The following DNAJB11 variants were observed in gnomAD, a reference collection of about 807,000 sequenced individuals.
DNAJB11 encodes dnaJ homolog subfamily B member 11.
Under a neutral mutation model 47.2 loss-of-function variants are expected in DNAJB11, and 30 were observed. The ratio of observed to expected loss-of-function variants is 0.64; its 90% confidence interval spans 0.48 to 0.86. DNAJB11 has a LOEUF of 0.86. DNAJB11 is among the 40% of genes least tolerant of loss of function. The probability of loss-of-function intolerance (pLI) is 0.00; values close to 1 mark genes in which losing one functional copy is unlikely to be tolerated. For missense variants in DNAJB11, 357 were observed against 440.2 expected, an observed-to-expected ratio of 0.81 and a Z score of 1.69; for synonymous variants, 151 against 159.9, an observed-to-expected ratio of 0.94 and a Z score of 0.42.
chr3:186,577,923 A>G, intron 4 of DNAJB11, 123 bp downstream of exon 4: 3 of 751,442 alleles, frequency 4.0e-6, no homozygotes, highest in Non-Finnish European at 6.1e-6. Flanking sequence ...TCAAATGCAC[A>G]AAATTGAATT....
intron 2 of DNAJB11, among the ~76,000 whole-genome samples, chr3:186,572,711 ATAAGT>A: frequency 6.6e-6 from 1 of 152,374 alleles, no homozygotes. Flanking sequence ...CAGGGCAGGT[ATAAGT>A]TAAAACATGG....
rs771570469 is a variant in DNAJB11, at chr3:186,581,418, G to T, written c.504G>T (p.Lys168Asn). 2.5e-6 allele frequency: 4 copies of T among 1,613,980 alleles called. No individual in the cohort carries two copies. In the South Asian group the frequency reaches 4.4e-5, roughly 18 times the overall value. The change falls in exon 5 of 10, where the codon AAG (lysine) becomes AAT (asparagine). Residue 168 changes from lysine to asparagine, a missense_variant. Lys to Asn is a moderately conservative substitution (Grantham distance 94). Coordinates refer to ENST00000265028, the MANE Select transcript of DNAJB11 (RefSeq NM_016306.6). ...CAAGGCAGGCTCCTGGCAAACGGAA[G>T]TGCAATTGTCGGCAAGAGATGCGGA... ...PVARQAPGKR[K>N]CNCRQEMRTT... is the part of the protein sequence containing the mutation.
intron 6 of DNAJB11, 59 bp from the exon 7 acceptor site, chr3:186,582,657 A>C (rs973158652): frequency 1.4e-6 from 2 of 1,406,896 alleles, no homozygotes; most frequent in Non-Finnish European, 2.0e-6. Context: ...CAGTTGCCAA[A>C]TAGATTTGTG....
chr3:186,573,441 G>A (rs186244883), intron 2 of DNAJB11, among the ~76,000 whole-genome samples: 4 of 152,204 alleles, frequency 2.6e-5, no homozygotes, highest in Non-Finnish European at 4.4e-5. Context: ...CTGGAGTAGA[G>A]TGGCACGATC....
rs1300446535 is a variant in DNAJB11 at position 186,585,688 on chromosome 3, T to G, written c.*280T>G. ...TCAAGAATTAAAGCTGCAAGAGGAC[T>G]CCAGGAGCAAAAGAAACACAATATA... On this transcript the variant is annotated 3_prime_UTR_variant, in exon 10 of 10. Transcript: ENST00000265028. 1.3e-5 allele frequency: 3 copies of G among 222,298 alleles called. No individual in the cohort carries two copies. The highest frequency in any genetic ancestry group is 2.7e-5 in the Non-Finnish European group (3 of 111,900). 13.8% of individuals were successfully genotyped at this position (222,298 alleles called of 1,614,324 possible).
intron 1 of DNAJB11, 57 bp downstream of exon 1, chr3:186,571,022 T>TGTTGGGGGGGGGGG: frequency 4.8e-6 from 1 of 208,314 alleles, no homozygotes; most frequent in Non-Finnish European, 9.4e-6. Context: ...TGCTGGGGGG[T>TGTTGGGGGGGGGGG]GGGAGGGGGT....
Position 186,570,883 on chromosome 3 carries a change from C to T in DNAJB11, c.-15C>T, listed in dbSNP as rs760013263. On this transcript the variant is annotated 5_prime_UTR_variant, in exon 1 of 10. Transcript: ENST00000265028. ...TGTGAGGAGTGTGTGGAACAGGACCCGGGACAGAGGAACCATGGCTCCGCA... is the reference window on the plus strand; with the variant it reads ...TGTGAGGAGTGTGTGGAACAGGACCTGGGACAGAGGAACCATGGCTCCGCA... 3.1e-6 allele frequency: 5 copies of T among 1,601,932 alleles called. No individual in the cohort carries two copies. In the Admixed American group the frequency reaches 5.1e-5, roughly 16 times the overall value.
intron 5 of DNAJB11, among the ~76,000 whole-genome samples, 194 bp downstream of exon 5, chr3:186,581,707 A>G (rs1262357709): frequency 6.6e-6 from 1 of 151,924 alleles, no homozygotes; most frequent in Non-Finnish European, 1.5e-5. Flanking sequence ...TTCTGAACTA[A>G]CAAGCAGTGC....
At chr3:186,575,728 T>A in intron 2 of DNAJB11, 112 bp from the exon 3 acceptor site, 4 of 740,748 alleles carry the variant, frequency 5.4e-6, no homozygotes, top group Non-Finnish European at 6.8e-6. Flanking sequence ...GAAACTGCAT[T>A]CTATTAAAAT....
Position 186,582,722 on chromosome 3 carries a change from C to T in DNAJB11, c.689C>T (p.Pro230Leu). 4 of 1,591,676 alleles carry T rather than the reference C, an allele frequency of 2.5e-6. No individual in the cohort carries two copies. Among genetic ancestry groups the T allele is most frequent in the South Asian group, 2.3e-5 (2 of 87,526 alleles). The change falls in exon 7 of 10, where the codon CCT becomes CTT. Residue 230 changes from proline (P) to leucine (L), a missense_variant. Transcript: ENST00000265028. The stretch of plus-strand genomic sequence containing the variant: ...TGTAATCTGCTCTGACTAGGTGAGC[C>T]TCACGTGGATGGGGAGCCTGGAGAT... ...MEYPFIGEGE[P>L]HVDGEPGDLR...
Position 186,581,997 on chromosome 3 carries a change from T to G in DNAJB11, c.602T>G (p.Leu201Arg). The G allele has an allele frequency of 6.2e-7, 1 of 1,612,202 alleles. No individual in the cohort carries two copies. The highest frequency in any genetic ancestry group is 8.5e-7 in the Non-Finnish European group (1 of 1,178,476). The change falls in exon 6 of 10, where the codon CTA (leucine) becomes CGA (arginine). Residue 201 changes from leucine (L) to arginine (R), a missense_variant and splice_region_variant. By Grantham distance (102) the Leu-to-Arg change is moderately radical (BLOSUM62 -2). Coordinates refer to ENST00000265028, the MANE Select transcript of DNAJB11 (RefSeq NM_016306.6). ...TCTTTTAATTCTCTTTACCTCAGAC[T>G]AGTGAATGAAGAACGAACGCTGGAA... ...VVCDECPNVK[L>R]VNEERTLEVE...
rs374952462 is a variant in DNAJB11, at chr3:186,581,592, A to G, written c.599+79A>G. On this transcript the variant is annotated intron_variant, in intron 5 of 9. Coordinates refer to ENST00000265028, the MANE Select transcript of DNAJB11 (RefSeq NM_016306.6). ...ATCTAGTCAAACACTAATGGTCCAT[A>G]CTAGATCTTTCTCTGTCCCCTCCCC... 1.3e-4 allele frequency: 191 copies of G among 1,491,038 alleles called. 3 individuals are homozygous for G. In the East Asian group the frequency reaches 1.8e-3, roughly 14 times the overall value. 92.4% of individuals were successfully genotyped at this position (1,491,038 alleles called of 1,614,324 possible). A position where few individuals can be genotyped will look rare whatever the true frequency, so the allele number is the denominator to read the frequency against.
chr3:186,581,134 C>A, intron 4 of DNAJB11: 2 of 434,326 alleles, frequency 4.6e-6, no homozygotes. Flanking sequence ...TTCTTACTCC[C>A]GTCTCTACTT....
rs1715658321 is a variant in DNAJB11, at chr3:186,585,574, C to T, written c.*166C>T. The T allele has an allele frequency of 2.2e-6, 1 of 457,864 alleles. No homozygotes were observed. The highest frequency in any genetic ancestry group is 2.9e-5 in the South Asian group (1 of 35,064). 28.4% of individuals were successfully genotyped at this position (457,864 alleles called of 1,614,324 possible). ...TGAATAAGAGGGCTTAAGAATTTGT[C>T]CATTTGCATTCGGAAAAGAATGACC... On this transcript the variant is annotated 3_prime_UTR_variant, in exon 10 of 10. Coordinates refer to ENST00000265028, the MANE Select transcript of DNAJB11 (RefSeq NM_016306.6).
intron 4 of DNAJB11, chr3:186,581,067 A>G (rs1560236878): frequency 3.9e-6 from 1 of 255,198 alleles, no homozygotes; most frequent in Non-Finnish European, 7.6e-6. Context: ...ACTCAGTAGC[A>G]TTTAGTTGTG....
chr3:186,584,210 C>T lies in DNAJB11; in HGVS notation c.853-220C>T, dbSNP rs149477319. Reference sequence around the variant, plus strand: ...ATCTTGTCCTTATAGTTTCTATTGACGAAAACCTTTCTTTGTTTACTTGTT... The same window carrying T: ...ATCTTGTCCTTATAGTTTCTATTGATGAAAACCTTTCTTTGTTTACTTGTT... On this transcript the variant is annotated intron_variant, in intron 8 of 9. Coordinates refer to ENST00000265028, the MANE Select transcript of DNAJB11 (RefSeq NM_016306.6). Among the ~76,000 whole-genome samples the T allele has an allele frequency of 1.5e-3, 233 of 152,290 alleles. 2 individuals carry two copies. Among genetic ancestry groups the T allele is most frequent in the African/African-American group, 5.4e-3 (223 of 41,562 alleles).
At chr3:186,571,004 T>C in intron 1 of DNAJB11, 39 bp downstream of exon 1, 1 of 531,560 alleles carries the variant, frequency 1.9e-6, no homozygotes, top group African/African-American at 1.9e-5. Flanking sequence ...GGCCTGTGGG[T>C]CAGCCTTTGC....
At chr3:186,577,622 G>T in intron 3 of DNAJB11, 46 bp from the exon 4 acceptor site, 1 of 1,406,570 alleles carries the variant, frequency 7.1e-7, no homozygotes, top group Non-Finnish European at 9.4e-7. Flanking sequence ...GAAACATAGA[G>T]TCTTGATTTT....
chr3:186,584,020 T>C, intron 8 of DNAJB11, 44 bp downstream of exon 8: 1 of 1,398,322 alleles, frequency 7.2e-7, no homozygotes, highest in Non-Finnish European at 1.0e-6. Context: ...TTGAAGCCTT[T>C]ATGTGGGTAG....
Sources: gnomAD v4.1 joint callset for allele counts (sites outside exome capture counted in the v4.1 genomes callset) on GRCh38, gnomAD v4.1.1 for gene constraint, MANE v1.5 for transcripts, NCBI Gene and HGNC (gene_info 2026-07-23, HGNC 2026-07-21) for gene names.